FGGY: variants seen among roughly 807,000 people sequenced by gnomAD.
FGGY encodes the protein FGGY carbohydrate kinase domain-containing protein.
FGGY carries 72 observed loss-of-function variants against 71.3 expected under a neutral mutation model. The observed-to-expected ratio is 1.01, with a 90% CI of 0.84 to 1.23. The LOEUF is 1.23. Ranked by LOEUF, FGGY falls within the 50% of genes most tolerant of loss-of-function variation. The pLI, the probability that FGGY is intolerant of heterozygous loss-of-function variation, is 0.00. For missense variants in FGGY, 668 were observed against 682.3 expected (o/e 0.98, Z 0.23); for synonymous variants, 251 against 250.3 (o/e 1.00, Z -0.02).
At chr1:59,472,361 C>T (rs917480570) in intron 6 of FGGY, among the ~76,000 whole-genome samples, 11 of 152,338 alleles carry the variant, frequency 7.2e-5, no homozygotes, top group African/African-American at 2.2e-4. Context: ...CATGCCTGAG[C>T]CTCCCCCTGT....
chr1:59,648,923 T>C (rs1290355181), intron 11 of FGGY, among the ~76,000 whole-genome samples: 1 of 151,912 alleles, frequency 6.6e-6, no homozygotes, highest in Non-Finnish European at 1.5e-5. Context: ...AATTGATTTT[T>C]GTATAAGGTG....
At chr1:59,438,039 G>A (rs1013389422) in intron 5 of FGGY, among the ~76,000 whole-genome samples, 5 of 152,318 alleles carry the variant, frequency 3.3e-5, no homozygotes, top group Admixed American at 2.0e-4. Context: ...CTAAAGTGAA[G>A]AAATACGACT....
intron 10 of FGGY, among the ~76,000 whole-genome samples, chr1:59,635,746 C>T (rs1020102116): frequency 2.0e-5 from 3 of 152,118 alleles, no homozygotes; most frequent in South Asian, 2.1e-4. Flanking sequence ...TATTCGTGTT[C>T]GCTGATACGT....
chr1:59,681,783 TACACACAC>T (rs372869163), intron 14 of FGGY, among the ~76,000 whole-genome samples: 3 of 137,048 alleles, frequency 2.2e-5, no homozygotes, highest in Admixed American at 7.3e-5. Context: ...CCTTGAAAAA[TACACACAC>T]ACACACACAC....
At chr1:59,552,585 T>A (rs1351500789) in intron 7 of FGGY, among the ~76,000 whole-genome samples, 1 of 152,168 alleles carries the variant, frequency 6.6e-6, no homozygotes, top group African/African-American at 2.4e-5. Flanking sequence ...GCCTTCAGTA[T>A]CTGGGGATTT....
chr1:59,423,640 G>GA lies in FGGY; in HGVS notation c.555-33315dup, dbSNP rs201319639. On this transcript the variant is annotated intron_variant, in intron 5 of 15. Transcript: ENST00000303721. ...CTTCAGTGACTCCCCAGTTCTTGAGGAAAAAATGCTGAGTCTCTGAGCATA... is the reference window on the plus strand; with the variant it reads ...CTTCAGTGACTCCCCAGTTCTTGAGGAAAAAAATGCTGAGTCTCTGAGCATA... 8.2e-3 allele frequency among the ~76,000 whole-genome samples: 1,251 copies of GA among 152,144 alleles called. 21 individuals are homozygous for GA. The highest frequency in any genetic ancestry group is 0.029 in the African/African-American group (1,187 of 41,498).
At chr1:59,535,319 C>A (rs972644698) in intron 7 of FGGY, among the ~76,000 whole-genome samples, 10 of 152,084 alleles carry the variant, frequency 6.6e-5, no homozygotes, top group Non-Finnish European at 2.9e-5. Flanking sequence ...CAGGAGCACC[C>A]AGATTCATAA....
chr1:59,585,673 A>G (rs1219847623), intron 8 of FGGY, among the ~76,000 whole-genome samples: 4 of 152,248 alleles, frequency 2.6e-5, no homozygotes, highest in African/African-American at 2.4e-5. Flanking sequence ...GACAAATGGG[A>G]TCTCATTAAA....
chr1:59,360,890 C>A (rs2055374372), intron 4 of FGGY, among the ~76,000 whole-genome samples: 1 of 152,064 alleles, frequency 6.6e-6, no homozygotes, highest in South Asian at 2.1e-4. Flanking sequence ...AGACACTTAC[C>A]TCATGCAGCT....
intron 7 of FGGY, among the ~76,000 whole-genome samples, chr1:59,527,981 T>C (rs1438316965): frequency 6.6e-6 from 1 of 152,210 alleles, no homozygotes; most frequent in Non-Finnish European, 1.5e-5. Context: ...AAAATGCGGA[T>C]GGCTGGGTCC....
chr1:59,467,882 T>G (rs2092726092), intron 6 of FGGY, among the ~76,000 whole-genome samples: 1 of 149,834 alleles, frequency 6.7e-6, no homozygotes, highest in Admixed American at 6.8e-5. Flanking sequence ...AATTGTTTCT[T>G]TCTTGTTTTT....
At chr1:59,319,574 G>C (rs1405395499) in intron 1 of FGGY, among the ~76,000 whole-genome samples, 1 of 152,102 alleles carries the variant, frequency 6.6e-6, no homozygotes, top group Non-Finnish European at 1.5e-5. Flanking sequence ...GGCTGACCTG[G>C]GTCTTAAAAT....
In FGGY at chr1:59,565,792, G is replaced by A. The variant is rs72917773; in HGVS notation, c.903+11565G>A. On this transcript the variant is annotated intron_variant, in intron 8 of 15. Transcript: ENST00000303721. ...GTTAAGGCTGGATCACAGCTAGACC[G>A]CAGTGCTTTCATTTTCCCTTTTTCC... 7.0e-3 allele frequency among the ~76,000 whole-genome samples: 1,063 copies of A among 152,288 alleles called. 11 individuals are homozygous for A. Among genetic ancestry groups the A allele is most frequent in the African/African-American group, 0.024 (990 of 41,556 alleles).
chr1:59,412,723 C>T (rs1306934097), intron 5 of FGGY, among the ~76,000 whole-genome samples: 1 of 152,124 alleles, frequency 6.6e-6, no homozygotes, highest in Non-Finnish European at 1.5e-5. Flanking sequence ...AAATCTTGAT[C>T]TTATAGAAGT....
At chr1:59,368,656 G>A (rs916352817) in intron 4 of FGGY, among the ~76,000 whole-genome samples, 5 of 152,308 alleles carry the variant, frequency 3.3e-5, no homozygotes, top group South Asian at 2.1e-4. Context: ...CCTTTGGCTG[G>A]GATTGTATGG....
At chr1:59,449,186 T>C (rs74847513) in intron 5 of FGGY, among the ~76,000 whole-genome samples, 1 of 152,260 alleles carries the variant, frequency 6.6e-6, no homozygotes, top group East Asian at 1.9e-4. Context: ...TCTCAATATG[T>C]AATGTACCTG....
At chr1:59,506,517 G>A (rs1370370261) in intron 6 of FGGY, among the ~76,000 whole-genome samples, 1 of 152,204 alleles carries the variant, frequency 6.6e-6, no homozygotes, top group African/African-American at 2.4e-5. Flanking sequence ...TTATACAAGA[G>A]GCTGGGCATG....
At chr1:59,750,507 T>A (rs2098236304) in intron 14 of FGGY, among the ~76,000 whole-genome samples, 1 of 152,206 alleles carries the variant, frequency 6.6e-6, no homozygotes, top group African/African-American at 2.4e-5. Flanking sequence ...TAAAGATATG[T>A]AAATGTGTGC....
At chr1:59,367,930 C>A (rs932600577) in intron 4 of FGGY, among the ~76,000 whole-genome samples, 3 of 152,108 alleles carry the variant, frequency 2.0e-5, no homozygotes, top group African/African-American at 7.2e-5. Flanking sequence ...AAGCTGTTCT[C>A]TTTGGTTGCT....
Sources: gnomAD v4.1 joint callset for allele counts (sites outside exome capture counted in the v4.1 genomes callset) on GRCh38, gnomAD v4.1.1 for gene constraint, MANE v1.5 for transcripts, NCBI Gene and HGNC (gene_info 2026-07-23, HGNC 2026-07-21) for gene names.